Variants in ARFGEF2 observed in about 807,000 individuals in gnomAD.
ARFGEF2 encodes the protein ARF guanine nucleotide exchange factor 2.
ARFGEF2 carries 74 observed loss-of-function variants against 219.9 expected under a neutral mutation model. That is an observed-to-expected ratio of 0.34 (90% CI 0.28 to 0.41). The LOEUF is 0.41. Among genes scored for constraint, ARFGEF2 ranks in the 10% least tolerant of loss-of-function variants. ARFGEF2 has a pLI of 1.00. For synonymous variants in ARFGEF2, 733 were observed against 799.2 expected (o/e 0.92, Z 1.40); for missense variants, 1,743 against 2,218.3 (o/e 0.79, Z 4.30).
intron 1 of ARFGEF2, among the ~76,000 whole-genome samples, chr20:48,940,837 C>T (rs1267806983): frequency 6.6e-6 from 1 of 151,906 alleles, no homozygotes; most frequent in African/African-American, 2.4e-5. Context: ...TGCTACTAAA[C>T]ATCCTAGAGT....
At chr20:49,022,220 A>G (rs955785379) in intron 34 of ARFGEF2, among the ~76,000 whole-genome samples, 1 of 151,794 alleles carries the variant, frequency 6.6e-6, no homozygotes, top group Non-Finnish European at 1.5e-5. Flanking sequence ...GGAATAAAAG[A>G]CCACTCTTAA....
chr20:48,954,452 G>A (rs1247933849), intron 6 of ARFGEF2, among the ~76,000 whole-genome samples: 1 of 152,100 alleles, frequency 6.6e-6, no homozygotes, highest in Non-Finnish European at 1.5e-5. Context: ...ATCCAAAATT[G>A]GTATTTTTTC....
intron 1 of ARFGEF2, among the ~76,000 whole-genome samples, chr20:48,924,751 G>A (rs1006275773): frequency 1.3e-5 from 2 of 152,146 alleles, no homozygotes; most frequent in Admixed American, 1.3e-4. Flanking sequence ...ACTGTATAGT[G>A]TAGATGTTAG....
rs868504867 is a variant in ARFGEF2 at position 49,025,306 on chromosome 20, C to T, written c.4756-7C>T. 8.1e-6 allele frequency: 13 copies of T among 1,606,710 alleles called. 1 individual carries two copies. In the Middle Eastern group the frequency reaches 2.2e-3, roughly 268 times the overall value. On this transcript the variant is annotated splice_polypyrimidine_tract_variant and splice_region_variant and intron_variant, in intron 35 of 38. Coordinates refer to ENST00000371917, the MANE Select transcript of ARFGEF2 (RefSeq NM_006420.3). ...TTAGCTCTTCTATCCTCTGTCCTGT[C>T]CTCTAGCAAGACACGCTGGATGCAG...
chr20:48,921,748 T>G lies in ARFGEF2; in HGVS notation c.-142T>G. Reference sequence around the variant, plus strand: ...GACGCGCTCCAACATGGCGGCGCCGTGGGGCCGAGGTGTCGCTTCCTGACG... The same window carrying G: ...GACGCGCTCCAACATGGCGGCGCCGGGGGGCCGAGGTGTCGCTTCCTGACG... On this transcript the variant is annotated 5_prime_UTR_variant, in exon 1 of 39. Transcript: ENST00000371917. The G allele has an allele frequency of 1.1e-6, 1 of 870,484 alleles. No homozygotes were observed. The highest frequency in any genetic ancestry group is 1.5e-6 in the Non-Finnish European group (1 of 687,686). The allele number at this position is 870,484 out of a possible 1,614,324, so 53.9% of individuals were successfully genotyped here. A position where few individuals can be genotyped will look rare whatever the true frequency, so the allele number is the denominator to read the frequency against.
chr20:49,020,591 A>G (rs989120498), intron 34 of ARFGEF2, among the ~76,000 whole-genome samples: 2 of 152,144 alleles, frequency 1.3e-5, no homozygotes, highest in Admixed American at 1.3e-4. Flanking sequence ...GACTATAGGC[A>G]TGTGCCACCA....
In ARFGEF2 at chr20:48,994,612, C is replaced by G. The variant is rs749299743; in HGVS notation, c.3121+14C>G. 1.9e-6 allele frequency: 3 copies of G among 1,612,912 alleles called. No individual in the cohort carries two copies. The highest frequency in any genetic ancestry group is 3.3e-5 in the Admixed American group (2 of 59,996). ...GCCTTGGCCTCGGTAAGACACCAGGCCCCACAGCTAACAGTCACGGATTTG... is the reference window on the plus strand; with the variant it reads ...GCCTTGGCCTCGGTAAGACACCAGGGCCCACAGCTAACAGTCACGGATTTG... On this transcript the variant is annotated intron_variant, in intron 22 of 38. Transcript: ENST00000371917.
chr20:48,997,844 T>G (rs907328110), intron 23 of ARFGEF2, among the ~76,000 whole-genome samples: 2 of 152,116 alleles, frequency 1.3e-5, no homozygotes, highest in Admixed American at 1.3e-4. Context: ...GCCCTCAGTC[T>G]ACCAAATCTA....
chr20:49,010,463 C>G, intron 27 of ARFGEF2, 59 bp downstream of exon 27: 1 of 1,595,986 alleles, frequency 6.3e-7, no homozygotes, highest in Non-Finnish European at 8.5e-7. Context: ...AAGAGTGTCA[C>G]TTGCTGTCTA....
chr20:48,938,569 A>G (rs2090974482), intron 1 of ARFGEF2, among the ~76,000 whole-genome samples: 1 of 152,210 alleles, frequency 6.6e-6, no homozygotes, highest in South Asian at 2.1e-4. Flanking sequence ...TATATTAGGA[A>G]CATTTGAATT....
chr20:49,020,206 C>G (rs550713454), intron 34 of ARFGEF2, among the ~76,000 whole-genome samples: 2 of 152,306 alleles, frequency 1.3e-5, no homozygotes, highest in East Asian at 1.9e-4. Context: ...CATTGTTTGC[C>G]TTTATAGCAG....
At chr20:48,981,452 A>T (rs1405470641) in intron 14 of ARFGEF2, among the ~76,000 whole-genome samples, 1 of 151,978 alleles carries the variant, frequency 6.6e-6, no homozygotes, top group East Asian at 1.9e-4. Context: ...TCTGACAATT[A>T]TATGTCTTGG....
Position 49,028,528 on chromosome 20 carries a change from A to G in ARFGEF2, c.4925-2A>G. 1 of 1,614,066 alleles carries G rather than the reference A, an allele frequency of 6.2e-7. No individual in the cohort carries two copies. The highest frequency in any genetic ancestry group is 2.2e-5 in the East Asian group (1 of 44,878). Reference sequence around the variant, plus strand: ...CTAATTATATGACTGTCTGATCTCTAGGTTTTAAGGGCAAGTCTAAACCCA... The same window carrying G: ...CTAATTATATGACTGTCTGATCTCTGGGTTTTAAGGGCAAGTCTAAACCCA... On this transcript the variant is annotated splice_acceptor_variant, in intron 36 of 38. Coordinates refer to ENST00000371917, the MANE Select transcript of ARFGEF2 (RefSeq NM_006420.3). LOFTEE classifies it high-confidence loss of function.
At chr20:48,945,337 A>G (rs1295474396) in intron 3 of ARFGEF2, among the ~76,000 whole-genome samples, 1 of 152,132 alleles carries the variant, frequency 6.6e-6, no homozygotes, top group Non-Finnish European at 1.5e-5. Context: ...AGACCAAATG[A>G]CCCGCAGAGC....
At chr20:48,962,175 C>T (rs1048406993) in intron 6 of ARFGEF2, among the ~76,000 whole-genome samples, 3 of 152,108 alleles carry the variant, frequency 2.0e-5, no homozygotes, top group Admixed American at 1.3e-4. Context: ...AGTGAAACTC[C>T]GTCTCAAATA....
intron 21 of ARFGEF2, among the ~76,000 whole-genome samples, chr20:48,992,166 A>T (rs1441638079): frequency 6.6e-6 from 1 of 152,234 alleles, no homozygotes; most frequent in Non-Finnish European, 1.5e-5. Flanking sequence ...GTCACAGTAA[A>T]ATTACAAGTT....
intron 36 of ARFGEF2, among the ~76,000 whole-genome samples, chr20:49,027,752 T>C (rs1158396366): frequency 3.9e-5 from 5 of 129,002 alleles, no homozygotes; most frequent in South Asian, 4.6e-4. Context: ...AATGAAGTTA[T>C]CTTGTAATAC....
At chr20:48,994,410 G>A in intron 21 of ARFGEF2, 41 bp from the exon 22 acceptor site, 2 of 1,612,272 alleles carry the variant, frequency 1.2e-6, no homozygotes, top group African/African-American at 1.3e-5. Flanking sequence ...TTTTCTAGCT[G>A]TAAGGTAGGA....
chr20:48,928,969 T>C (rs1190567841), intron 1 of ARFGEF2, among the ~76,000 whole-genome samples: 2 of 152,180 alleles, frequency 1.3e-5, no homozygotes, highest in Non-Finnish European at 1.5e-5. Flanking sequence ...CTGAAAGCAG[T>C]GCTAGGGAAA....
Sources: gnomAD v4.1 joint callset for allele counts (sites outside exome capture counted in the v4.1 genomes callset) on GRCh38, gnomAD v4.1.1 for gene constraint, MANE v1.5 for transcripts, NCBI Gene and HGNC (gene_info 2026-07-23, HGNC 2026-07-21) for gene names.